Variants in PDIA6 observed in about 807,000 individuals in gnomAD.
PDIA6 encodes the protein protein disulfide-isomerase A6.
Under a neutral mutation model 58.4 loss-of-function variants are expected in PDIA6, and 29 were observed. That is an observed-to-expected ratio of 0.50 (90% CI 0.37 to 0.68). PDIA6 has a LOEUF of 0.68. Among genes scored for constraint, PDIA6 ranks in the 30% least tolerant of loss-of-function variants. The pLI, the probability that PDIA6 is intolerant of heterozygous loss-of-function variation, is 0.00. For synonymous variants in PDIA6, 192 were observed against 202.6 expected (o/e 0.95, Z 0.44); for missense variants, 480 against 551.0 (o/e 0.87, Z 1.29).
rs1379213236 is a variant in PDIA6 at position 10,804,963 on chromosome 2, GCTCT to G, written c.20-2327_20-2324del. 1.1e-4 allele frequency among the ~76,000 whole-genome samples: 11 copies of G among 103,314 alleles called. No homozygotes were observed. In the East Asian group the frequency reaches 3.0e-3, roughly 29 times the overall value. 67.8% of individuals were successfully genotyped at this position (103,314 alleles called of 152,430 possible). A position where few individuals can be genotyped will look rare whatever the true frequency, so the allele number is the denominator to read the frequency against. ...TGAATGGGAGTTCACTCATGATTTG[GCTCT>G]CTGTCTGTTGTTGGTGTATAAGAAT... On this transcript the variant is annotated intron_variant, in intron 1 of 12. Transcript: ENST00000272227.
intron 8 of PDIA6, 69 bp downstream of exon 8, chr2:10,789,680 C>A (rs942637820): frequency 1.4e-6 from 2 of 1,422,294 alleles, no homozygotes; most frequent in Non-Finnish European, 2.0e-6. Flanking sequence ...CAGTGTGTCA[C>A]ACTGCTTTAA....
At position 10,784,960 on chromosome 2, in the gene PDIA6, C is replaced by T; in HGVS notation, c.1228G>A (p.Glu410Lys). 2 of 1,591,164 alleles carry T rather than the reference C, an allele frequency of 1.3e-6. No individual in the cohort carries two copies. The highest frequency in any genetic ancestry group is 2.3e-5 in the South Asian group (2 of 87,526). Residue 410 changes from glutamate (E) to lysine (K), a missense_variant, in exon 12 of 13, where the codon GAG becomes AAG. Coordinates refer to ENST00000272227, the MANE Select transcript of PDIA6 (RefSeq NM_005742.4). ...GGAFPTIVER[E>K]PWDGRDGELP... is the part of the protein sequence containing the mutation. Reference sequence around the variant, plus strand: ...TCGCCATCCCTGCCGTCCCAAGGCTCTCTCTCAACGATGGTAGGGAAAGCC... The same window carrying T: ...TCGCCATCCCTGCCGTCCCAAGGCTTTCTCTCAACGATGGTAGGGAAAGCC...
chr2:10,815,327 C>G (rs188689344), upstream of PDIA6, among the ~76,000 whole-genome samples: 7 of 152,330 alleles, frequency 4.6e-5, no homozygotes, highest in East Asian at 1.4e-3. Flanking sequence ...AGGGAGCACA[C>G]AGCCAACAGA....
intron 12 of PDIA6, 86 bp from the exon 13 acceptor site, chr2:10,784,412 T>TCTGGAGCTACTCC (rs1407819489): frequency 6.0e-6 from 6 of 1,005,870 alleles, no homozygotes; most frequent in Non-Finnish European, 6.0e-6. Context: ...AGAGCGACTC[T>TCTGGAGCTACTCC]CTGGAGCTAC....
At chr2:10,790,876 GT>G in intron 6 of PDIA6, 43 bp from the exon 7 acceptor site, 2 of 1,387,870 alleles carry the variant, frequency 1.4e-6, no homozygotes, top group Non-Finnish European at 2.0e-6. Context: ...TTGAGACACA[GT>G]CTCTCTCTGT....
chr2:10,806,650 A>AAAAGAAAGAAAGAAAGAAAGAAAGAAAG (rs1553339954), intron 1 of PDIA6, among the ~76,000 whole-genome samples: 1 of 62,924 alleles, frequency 1.6e-5, no homozygotes, highest in Non-Finnish European at 4.5e-5. Context: ...AAGAAAGAAA[A>AAAAGAAAGAAAGAAAGAAAGAAAGAAAG]ACGTTACAGT....
chr2:10,829,721 TG>T (rs1293606203), intron 1 of PDIA6, among the ~76,000 whole-genome samples: 1 of 152,206 alleles, frequency 6.6e-6, no homozygotes, highest in Non-Finnish European at 1.5e-5. Context: ...TTTAATTTTT[TG>T]TGGGTACATA....
intron 10 of PDIA6, among the ~76,000 whole-genome samples, 172 bp from the exon 11 acceptor site, chr2:10,787,611 A>G (rs6722515): frequency 0.083 from 12,565 of 152,242 alleles, 657 homozygotes; most frequent in South Asian, 0.15. Flanking sequence ...AATCCCACCA[A>G]TATCATTTGG....
intron 4 of PDIA6, among the ~76,000 whole-genome samples, chr2:10,795,769 T>G (rs1348163545): frequency 6.6e-6 from 1 of 152,142 alleles, no homozygotes; most frequent in African/African-American, 2.4e-5. Flanking sequence ...CTACCTTCCC[T>G]GCCTTCTATT....
In PDIA6 at chr2:10,807,134, A is replaced by G. The variant is rs577866832; in HGVS notation, c.20-4494T>C. 1.4e-3 allele frequency among the ~76,000 whole-genome samples: 214 copies of G among 152,362 alleles called. 1 individual carries two copies. Among genetic ancestry groups the G allele is most frequent in the African/African-American group, 4.9e-3 (204 of 41,592 alleles). ...CCTCTAGAACAAGGTAAATAATGGAATATCCTCAGACTATTCTTGACTTCA... is the reference window on the plus strand; with the variant it reads ...CCTCTAGAACAAGGTAAATAATGGAGTATCCTCAGACTATTCTTGACTTCA... On this transcript the variant is annotated intron_variant, in intron 1 of 12. Coordinates refer to ENST00000272227, the MANE Select transcript of PDIA6 (RefSeq NM_005742.4).
chr2:10,809,591 G>C (rs1035577688), intron 1 of PDIA6, among the ~76,000 whole-genome samples: 1 of 140,088 alleles, frequency 7.1e-6, no homozygotes, highest in African/African-American at 2.7e-5. Flanking sequence ...AGCTACTCCA[G>C]AGGCTGATGT....
chr2:10,813,718 C>A (rs1844386), upstream of PDIA6, among the ~76,000 whole-genome samples: 1 of 151,936 alleles, frequency 6.6e-6, no homozygotes, highest in Non-Finnish European at 1.5e-5. Context: ...TCACTGCAAC[C>A]TCTGCCTCCC....
At position 10,784,080 on chromosome 2, in the gene PDIA6, G is replaced by A. The variant is rs1665571815; in HGVS notation, c.*178C>T. 4.5e-6 allele frequency: 2 copies of A among 442,522 alleles called. No homozygotes were observed. Among genetic ancestry groups the A allele is most frequent in the Admixed American group, 4.0e-5 (1 of 25,214 alleles). 27.4% of individuals were successfully genotyped at this position (442,522 alleles called of 1,614,324 possible). ...ACAACAATTCATAGAATTTTTCAATGTTTTCTTGAGATGCAAAAGTTCACT... is the reference window on the plus strand; with the variant it reads ...ACAACAATTCATAGAATTTTTCAATATTTTCTTGAGATGCAAAAGTTCACT... On this transcript the variant is annotated 3_prime_UTR_variant, in exon 13 of 13. Transcript: ENST00000272227.
upstream of PDIA6, among the ~76,000 whole-genome samples, chr2:10,834,558 C>T (rs1667782241): frequency 6.6e-6 from 1 of 152,150 alleles, no homozygotes. Flanking sequence ...ACCCTTGTGG[C>T]CTGGATGCAG....
intron 1 of PDIA6, among the ~76,000 whole-genome samples, chr2:10,820,177 G>C (rs1337097122): frequency 4.6e-5 from 7 of 152,222 alleles, no homozygotes. Context: ...AAGTTTAATA[G>C]ATGAAAGAGA....
Position 10,812,721 on chromosome 2 carries a change from C to A in PDIA6, c.-25G>T, listed in dbSNP as rs766326175. Reference sequence around the variant, plus strand: ...TGCCGAGCGCCGGGCTACGTGCAGTCCCCACCGCCGCCGCCGCTTCAGCCC... The same window carrying A: ...TGCCGAGCGCCGGGCTACGTGCAGTACCCACCGCCGCCGCCGCTTCAGCCC... On this transcript the variant is annotated 5_prime_UTR_variant, in exon 1 of 13. Coordinates refer to ENST00000272227, the MANE Select transcript of PDIA6 (RefSeq NM_005742.4). The A allele has an allele frequency of 1.0e-5, 15 of 1,504,486 alleles. No homozygotes were observed. In the South Asian group the frequency reaches 1.5e-4, roughly 15 times the overall value. The allele number at this position is 1,504,486 out of a possible 1,614,324, so 93.2% of individuals were successfully genotyped here.
At position 10,787,319 on chromosome 2, in the gene PDIA6, T is replaced by C. The variant is rs765060689; in HGVS notation, c.1119A>G (p.Lys373=). 6.2e-7 allele frequency: 1 copy of C among 1,614,190 alleles called. No homozygotes were observed. The highest frequency in any genetic ancestry group is 8.5e-7 in the Non-Finnish European group (1 of 1,180,020). The change falls in exon 11 of 13, where the codon AAA becomes AAG. Residue 373 remains lysine, a synonymous_variant. Coordinates refer to ENST00000272227, the MANE Select transcript of PDIA6 (RefSeq NM_005742.4). The part of the protein sequence containing the change: ...NARKMKFALL[K]GSFSEQGINE... ...TGATGCCTTGCTCACTGAAGGAGCCTTTTAGCAGAGCAAATTTCATCTTGC... is the reference window on the plus strand; with the variant it reads ...TGATGCCTTGCTCACTGAAGGAGCCCTTTAGCAGAGCAAATTTCATCTTGC...
Position 10,802,567 on chromosome 2 carries a change from A to G in PDIA6, c.93T>C (p.Thr31=). 6.7e-7 allele frequency: 1 copy of G among 1,492,318 alleles called. No homozygotes were observed. 92.4% of individuals were successfully genotyped at this position (1,492,318 alleles called of 1,614,324 possible). ...TAACTTCTCGGTTGAAATTCGATGG[A>G]GTTAATTCGATCACATCATCACTAG... ...YSSSDDVIEL[T]PSNFNREVIQ... is the part of the protein sequence containing the mutation. Residue 31 remains threonine (T), a synonymous_variant, in exon 2 of 13, where the codon ACT becomes ACC. Coordinates refer to ENST00000272227, the MANE Select transcript of PDIA6 (RefSeq NM_005742.4).
rs549046316 is a variant in PDIA6 at position 10,827,805 on chromosome 2, CAG to C, written c.-48+4395_-48+4396del. Among the ~76,000 whole-genome samples the C allele has an allele frequency of 3.5e-4, 50 of 141,348 alleles. 1 individual carries two copies. Among genetic ancestry groups the C allele is most frequent in the Middle Eastern group, 7.4e-3 (2 of 270 alleles). The allele number at this position is 141,348 out of a possible 152,430, so 92.7% of individuals were successfully genotyped here. A position where few individuals can be genotyped will look rare whatever the true frequency, so the allele number is the denominator to read the frequency against. On this transcript the variant is annotated intron_variant, in intron 1 of 13. Coordinates refer to the PDIA6 transcript ENST00000381611. Reference sequence around the variant, plus strand: ...CGCCACTGCACTCCAGCCTGGGTGACAGAGTACGACTCTGTCTCAAAAAAAAA... The same window carrying C: ...CGCCACTGCACTCCAGCCTGGGTGACAGTACGACTCTGTCTCAAAAAAAAA...
Sources: allele counts gnomAD v4.1 joint callset (sites outside exome capture counted in the v4.1 genomes callset), GRCh38; gene constraint gnomAD v4.1.1; transcripts MANE v1.5; gene names NCBI Gene and HGNC (gene_info 2026-07-23, HGNC 2026-07-21).